CENPP: variants seen among roughly 807,000 people sequenced by gnomAD.
CENPP encodes the protein centromere protein P.
In CENPP, 24 loss-of-function variants were observed where a neutral mutation model predicts 35.6. The observed-to-expected ratio is 0.67, with a 90% CI of 0.49 to 0.95. The LOEUF (loss-of-function observed/expected upper bound fraction) is 0.95. Ranked by LOEUF, CENPP falls within the 40% of genes least tolerant of loss-of-function variation. CENPP has a pLI of 0.00. For synonymous variants in CENPP, 120 were observed against 125.5 expected (o/e 0.96, Z 0.29); for missense variants, 332 against 345.3 (o/e 0.96, Z 0.31).
chr9:92,502,649 A>C, intron 5 of CENPP: 1 of 1,563,100 alleles, frequency 6.4e-7, no homozygotes, highest in East Asian at 2.2e-5. Flanking sequence ...TCTAGGTATA[A>C]TTCCTATAAT....
chr9:92,432,947 C>T (rs11792019), intron 5 of CENPP, among the ~76,000 whole-genome samples: 55,465 of 151,670 alleles, frequency 0.37, 12,423 homozygotes, highest in African/African-American at 0.63. Flanking sequence ...GAAAAAGATA[C>T]AAAAAAAATT....
Position 92,609,587 on chromosome 9 carries a change from C to T in CENPP, c.565-1727C>T, listed in dbSNP as rs570783755. Among the ~76,000 whole-genome samples the T allele has an allele frequency of 1.7e-3, 263 of 152,340 alleles. 1 individual carries two copies. The highest frequency in any genetic ancestry group is 3.1e-3 in the Non-Finnish European group (209 of 68,032). ...AGCACCCCCAGGCTTCTATATCAGT[C>T]GCTGTGAGAGGACAGAAAGGAAAGC... On this transcript the variant is annotated intron_variant, in intron 5 of 7. Transcript: ENST00000375587.
chr9:92,434,304 G>A (rs865964471), intron 5 of CENPP, among the ~76,000 whole-genome samples: 2 of 150,902 alleles, frequency 1.3e-5, no homozygotes, highest in Non-Finnish European at 2.9e-5. Flanking sequence ...CAGAAGAATC[G>A]CTTGAACCCA....
rs758643111 is a variant in CENPP, at chr9:92,613,006, G to T, written c.737-13G>T. 1.9e-6 allele frequency: 3 copies of T among 1,613,802 alleles called. No homozygotes were observed. The East Asian group carries it at 6.7e-5, about 36-fold the overall frequency. On this transcript the variant is annotated splice_polypyrimidine_tract_variant and intron_variant, in intron 7 of 7. Transcript: ENST00000375587. ...CTTGAAGTTTCTTACCCGGTTTAAT[G>T]TTTTCTTTATAGCCCTGGAGCTGGA...
chr9:92,587,913 G>A (rs1223087884), intron 5 of CENPP, among the ~76,000 whole-genome samples: 1 of 152,136 alleles, frequency 6.6e-6, no homozygotes, highest in African/African-American at 2.4e-5. Flanking sequence ...ATCGCTTGAG[G>A]TCAGGAGTTC....
At chr9:92,594,346 G>T (rs1199336937) in intron 5 of CENPP, among the ~76,000 whole-genome samples, 1 of 152,152 alleles carries the variant, frequency 6.6e-6, no homozygotes, top group East Asian at 1.9e-4. Context: ...GTGGCCCCGT[G>T]AGCAGGTGGC....
intron 5 of CENPP, among the ~76,000 whole-genome samples, chr9:92,584,654 G>A (rs1377859921): frequency 6.6e-6 from 1 of 152,132 alleles, no homozygotes; most frequent in Non-Finnish European, 1.5e-5. Context: ...TAGTTGTATT[G>A]TTCATTCAAC....
chr9:92,567,373 G>GATATATATATATATATATATATATATAT, intron 5 of CENPP, among the ~76,000 whole-genome samples: 47 of 129,050 alleles, frequency 3.6e-4, no homozygotes, highest in South Asian at 8.3e-4. Flanking sequence ...ACATAAGATA[G>GATATATATATATATATATATATATATAT]ATATATATAT....
At chr9:92,405,054 G>T (rs1843268632) in intron 5 of CENPP, among the ~76,000 whole-genome samples, 1 of 151,998 alleles carries the variant, frequency 6.6e-6, no homozygotes, top group Non-Finnish European at 1.5e-5. Flanking sequence ...CAAATTATTT[G>T]ATAGTTTTGT....
chr9:92,360,661 T>C (rs1477481683), intron 4 of CENPP, among the ~76,000 whole-genome samples: 2 of 152,138 alleles, frequency 1.3e-5, no homozygotes, highest in Non-Finnish European at 1.5e-5. Flanking sequence ...AAAAGGCTAA[T>C]AGTTTGTCAT....
intron 5 of CENPP, among the ~76,000 whole-genome samples, chr9:92,400,713 G>A (rs1266268013): frequency 6.6e-6 from 1 of 152,172 alleles, no homozygotes; most frequent in Non-Finnish European, 1.5e-5. Flanking sequence ...AATTATTGAT[G>A]TATATGTGTG....
intron 5 of CENPP, among the ~76,000 whole-genome samples, chr9:92,483,170 A>C: frequency 6.6e-6 from 1 of 150,954 alleles, no homozygotes; most frequent in South Asian, 2.1e-4. Flanking sequence ...CCCCCTTTCC[A>C]CTCATCCCCA....
At chr9:92,359,532 CCT>C (rs1564277372) in intron 4 of CENPP, among the ~76,000 whole-genome samples, 2 of 152,080 alleles carry the variant, frequency 1.3e-5, no homozygotes, top group African/African-American at 4.8e-5. Flanking sequence ...CAGAATCTCC[CCT>C]TATATGCAGT....
intron 5 of CENPP, chr9:92,385,065 T>C (rs1438615548): frequency 6.6e-6 from 1 of 152,642 alleles, no homozygotes; most frequent in East Asian, 1.9e-4. Flanking sequence ...TATGAGACTA[T>C]CTGCTATTTC....
chr9:92,473,928 G>A lies in CENPP; in HGVS notation c.564+94069G>A, dbSNP rs553390769. 1.4e-4 allele frequency among the ~76,000 whole-genome samples: 21 copies of A among 152,356 alleles called. 1 individual carries two copies. In the East Asian group the frequency reaches 4.0e-3, roughly 29 times the overall value. ...ATGGGCCATCAGCCCCTGAGTGGGA[G>A]TTGTGTGCCAGACCTTGGCCTCCAC... On this transcript the variant is annotated intron_variant, in intron 5 of 7. Coordinates refer to ENST00000375587, the MANE Select transcript of CENPP (RefSeq NM_001012267.3).
intron 5 of CENPP, among the ~76,000 whole-genome samples, chr9:92,480,654 C>A (rs555884210): frequency 1.3e-5 from 2 of 152,280 alleles, no homozygotes; most frequent in African/African-American, 4.8e-5. Flanking sequence ...GGTATTTCCT[C>A]TCAGACACTA....
rs373941163 is a variant in CENPP, at chr9:92,619,512, T to C, written c.*6363T>C. 6.3e-7 allele frequency: 1 copy of C among 1,593,248 alleles called. No individual in the cohort carries two copies. Among genetic ancestry groups the C allele is most frequent in the Non-Finnish European group, 8.5e-7 (1 of 1,170,332 alleles). On this transcript the variant is annotated 3_prime_UTR_variant, in exon 8 of 8. Transcript: ENST00000375587. ...TGGCATCCTGCAGACAGGGAGACAG[T>C]GCAATCATGATGGAGCAGTCCTTGG...
intron 5 of CENPP, among the ~76,000 whole-genome samples, chr9:92,401,427 C>T (rs1309396815): frequency 6.6e-6 from 1 of 152,094 alleles, no homozygotes; most frequent in Non-Finnish European, 1.5e-5. Flanking sequence ...ATTTTTATAT[C>T]GCCAGTAGCT....
intron 5 of CENPP, among the ~76,000 whole-genome samples, chr9:92,512,701 T>C (rs1847428813): frequency 6.6e-6 from 1 of 152,226 alleles, no homozygotes; most frequent in African/African-American, 2.4e-5. Flanking sequence ...TAGGTTTTTG[T>C]TTTAACATTT....
Sources: allele counts gnomAD v4.1 joint callset (sites outside exome capture counted in the v4.1 genomes callset), GRCh38; gene constraint gnomAD v4.1.1; transcripts MANE v1.5; gene names NCBI Gene and HGNC (gene_info 2026-07-23, HGNC 2026-07-21).